The following ADAMTS19 variants were observed in gnomAD, a reference collection of about 807,000 sequenced individuals.
The protein encoded by ADAMTS19 is ADAM metallopeptidase with thrombospondin type 1 motif 19, also known as A disintegrin and metalloproteinase with thrombospondin motifs 19.
Under a neutral mutation model 153.3 loss-of-function variants are expected in ADAMTS19, and 93 were observed. That is an observed-to-expected ratio of 0.61 (90% CI 0.51 to 0.72). The LOEUF (loss-of-function observed/expected upper bound fraction) is 0.72. Ranked by LOEUF, ADAMTS19 falls within the 30% of genes least tolerant of loss-of-function variation. The pLI, the probability that ADAMTS19 is intolerant of heterozygous loss-of-function variation, is 0.00. For missense variants in ADAMTS19, 1,482 were observed against 1,552.1 expected (o/e 0.95, Z 0.76); for synonymous variants, 600 against 556.6 (o/e 1.08, Z -1.10).
chr5:129,566,009 C>G (rs1753692892), intron 7 of ADAMTS19, among the ~76,000 whole-genome samples: 1 of 151,950 alleles, frequency 6.6e-6, no homozygotes, highest in South Asian at 2.1e-4. Context: ...AAGCAGATGT[C>G]TAGTAGGTTA....
rs562793422 is a variant in ADAMTS19 at position 129,570,794 on chromosome 5, C to T, written c.1372+18887C>T. Among the ~76,000 whole-genome samples, 3 of 151,936 alleles carry T rather than the reference C, an allele frequency of 2.0e-5. No individual in the cohort carries two copies. In the South Asian group the frequency reaches 6.2e-4, roughly 31 times the overall value. On this transcript the variant is annotated intron_variant, in intron 7 of 22. Transcript: ENST00000274487. Reference sequence around the variant, plus strand: ...GAAAATCAATCCATGCAATCAAATACATTAAAAGTCTAAAGAAAATGCATG... The same window carrying T: ...GAAAATCAATCCATGCAATCAAATATATTAAAAGTCTAAAGAAAATGCATG...
At chr5:129,462,182 G>A (rs530631037) in intron 2 of ADAMTS19, among the ~76,000 whole-genome samples, 9 of 152,256 alleles carry the variant, frequency 5.9e-5, no homozygotes, top group African/African-American at 2.2e-4. Context: ...TTCCTCATCT[G>A]TTATCTTAGA....
At chr5:129,610,292 T>C (rs190493870) in intron 8 of ADAMTS19, among the ~76,000 whole-genome samples, 45 of 152,164 alleles carry the variant, frequency 3.0e-4, no homozygotes, top group Non-Finnish European at 6.0e-4. Context: ...CTTTTTTATA[T>C]ATTCTTTTTT....
chr5:129,466,511 T>C (rs1453563383), intron 2 of ADAMTS19, among the ~76,000 whole-genome samples: 1 of 152,136 alleles, frequency 6.6e-6, no homozygotes, highest in Non-Finnish European at 1.5e-5. Flanking sequence ...ACAATGGAAC[T>C]GAAATTATAT....
At chr5:129,608,114 G>GTATATATATATA (rs1235116462) in intron 8 of ADAMTS19, among the ~76,000 whole-genome samples, 44 of 28,732 alleles carry the variant, frequency 1.5e-3, no homozygotes, top group South Asian at 0.011. Context: ...GTGTGTGTGT[G>GTATATATATATA]TGTATATATA....
Position 129,526,388 on chromosome 5 carries a change from G to T in ADAMTS19, c.1018G>T (p.Asp340Tyr). The part of the protein sequence containing the change: ...EYNIETVVVA[D>Y]PAMVSYHGAD... ...CAACATAGAGACTGTAGTGGTTGCA[G>T]ACCCAGCAATGGTTTCCTATCATGG... The change falls in exon 4 of 23, where the codon GAC becomes TAC. Residue 340 changes from aspartate to tyrosine, a missense_variant. Coordinates refer to ENST00000274487, the MANE Select transcript of ADAMTS19 (RefSeq NM_133638.6). The T allele has an allele frequency of 2.5e-6, 4 of 1,604,754 alleles. No individual in the cohort carries two copies. The highest frequency in any genetic ancestry group is 2.6e-6 in the Non-Finnish European group (3 of 1,176,046).
At chr5:129,535,651 A>T (rs1440861363) in intron 6 of ADAMTS19, among the ~76,000 whole-genome samples, 1 of 152,216 alleles carries the variant, frequency 6.6e-6, no homozygotes, top group Non-Finnish European at 1.5e-5. Flanking sequence ...ACGCTAGCTG[A>T]CTTCAAACTA....
At chr5:129,560,150 A>G (rs1581085102) in intron 7 of ADAMTS19, among the ~76,000 whole-genome samples, 1 of 152,138 alleles carries the variant, frequency 6.6e-6, no homozygotes, top group Admixed American at 6.5e-5. Context: ...GCACATTTTG[A>G]AGATTTAGTT....
intron 13 of ADAMTS19, among the ~76,000 whole-genome samples, chr5:129,650,586 C>A (rs1753274689): frequency 6.6e-6 from 1 of 152,114 alleles, no homozygotes; most frequent in African/African-American, 2.4e-5. Flanking sequence ...TGCTATATGG[C>A]AGAATTTTAA....
At position 129,679,894 on chromosome 5, in the gene ADAMTS19, T is replaced by TCCTA. The variant is rs768308441; in HGVS notation, c.2639_2642dup (p.Thr882TyrfsTer22). 5 of 1,613,886 alleles carry TCCTA rather than the reference T, an allele frequency of 3.1e-6. No homozygotes were observed. The highest frequency in any genetic ancestry group is 4.2e-6 in the Non-Finnish European group (5 of 1,179,936). On this transcript the variant is annotated frameshift_variant, in exon 17 of 23. Coordinates refer to ENST00000274487, the MANE Select transcript of ADAMTS19 (RefSeq NM_133638.6). LOFTEE classifies it high-confidence loss of function. ...TCTGGGAGAAGATCTCTGCCAAAGG[T>TCCTA]CCTACTACAGCACCTTTACATCTTC... is the stretch of plus-strand genomic sequence containing the variant.
intron 7 of ADAMTS19, 60 bp downstream of exon 7, chr5:129,551,967 T>C: frequency 9.2e-6 from 10 of 1,084,852 alleles, no homozygotes; most frequent in African/African-American, 1.6e-5. Flanking sequence ...ATCACTTGTT[T>C]AAGTATAGGA....
chr5:129,598,129 A>G (rs994640674), intron 8 of ADAMTS19, among the ~76,000 whole-genome samples: 21 of 152,278 alleles, frequency 1.4e-4, no homozygotes, highest in African/African-American at 4.6e-4. Context: ...AAAAAATTCA[A>G]TTAGTTGCCA....
chr5:129,522,330 C>CATATATATATAT (rs1205280756), intron 3 of ADAMTS19, among the ~76,000 whole-genome samples: 6 of 70,972 alleles, frequency 8.5e-5, no homozygotes, highest in African/African-American at 3.5e-4. Flanking sequence ...CACACACACA[C>CATATATATATAT]ACATATATAT....
Position 129,737,379 on chromosome 5 carries a change from G to A in ADAMTS19, c.*161G>A, listed in dbSNP as rs1757715579. 5 of 663,558 alleles carry A rather than the reference G, an allele frequency of 7.5e-6. No individual in the cohort carries two copies. Among genetic ancestry groups the A allele is most frequent in the Non-Finnish European group, 1.1e-5 (5 of 461,386 alleles). The allele number at this position is 663,558 out of a possible 1,614,324, so 41.1% of individuals were successfully genotyped here. A position where few individuals can be genotyped will look rare whatever the true frequency, so the allele number is the denominator to read the frequency against. ...AACATCCAATGTGGTGCTTGTTTTG[G>A]TTACACAAACATTTTGATTTATACT... On this transcript the variant is annotated 3_prime_UTR_variant, in exon 23 of 23. Coordinates refer to ENST00000274487, the MANE Select transcript of ADAMTS19 (RefSeq NM_133638.6).
chr5:129,731,161 G>T (rs1015373026), intron 21 of ADAMTS19, among the ~76,000 whole-genome samples: 1 of 152,002 alleles, frequency 6.6e-6, no homozygotes, highest in Non-Finnish European at 1.5e-5. Context: ...GTTTCGCCAT[G>T]TTGGACAGGC....
chr5:129,585,892 C>G lies in ADAMTS19; in HGVS notation c.1373-10667C>G, dbSNP rs534555632. Among the ~76,000 whole-genome samples the G allele has an allele frequency of 1.2e-3, 181 of 152,202 alleles. 1 individual carries two copies. Among genetic ancestry groups the G allele is most frequent in the African/African-American group, 4.2e-3 (175 of 41,532 alleles). On this transcript the variant is annotated intron_variant, in intron 7 of 22. Coordinates refer to ENST00000274487, the MANE Select transcript of ADAMTS19 (RefSeq NM_133638.6). ...CTTTGAAGTGAAGTTTCCTTTTTCT[C>G]CTGGGCACTTTTAAGATTCTCTTTT...
At chr5:129,580,646 G>T (rs1006205036) in intron 7 of ADAMTS19, among the ~76,000 whole-genome samples, 1 of 152,058 alleles carries the variant, frequency 6.6e-6, no homozygotes. Flanking sequence ...GCATGAAGGG[G>T]TGTTGAATTT....
At chr5:129,580,055 T>C (rs1749434108) in intron 7 of ADAMTS19, among the ~76,000 whole-genome samples, 1 of 152,228 alleles carries the variant, frequency 6.6e-6, no homozygotes, top group African/African-American at 2.4e-5. Context: ...ATATTGATTC[T>C]TCCTATCCAT....
At chr5:129,585,547 A>G (rs7706476) in intron 7 of ADAMTS19, among the ~76,000 whole-genome samples, 1 of 152,146 alleles carries the variant, frequency 6.6e-6, no homozygotes, top group Non-Finnish European at 1.5e-5. Context: ...ATTGTTGCAT[A>G]TATTTTGAAT....
Sources: allele counts gnomAD v4.1 joint callset (sites outside exome capture counted in the v4.1 genomes callset), GRCh38; gene constraint gnomAD v4.1.1; transcripts MANE v1.5; gene names NCBI Gene and HGNC (gene_info 2026-07-23, HGNC 2026-07-21).